The following TTF2 variants were observed in gnomAD, a reference collection of about 807,000 sequenced individuals.
TTF2 encodes RNA polymerase II termination factor.
TTF2 carries 108 observed loss-of-function variants against 142.4 expected under a neutral mutation model. That is an observed-to-expected ratio of 0.76 (90% CI 0.65 to 0.89). The LOEUF (loss-of-function observed/expected upper bound fraction) is 0.89. TTF2 is among the 40% of genes least tolerant of loss of function. TTF2 has a pLI of 0.00. For synonymous variants in TTF2, 483 were observed against 506.2 expected (o/e 0.95, Z 0.61); for missense variants, 1,327 against 1,379.8 (o/e 0.96, Z 0.61).
At position 117,097,309 on chromosome 1, in the gene TTF2, G is replaced by T; in HGVS notation, c.3187-42G>T. 6.3e-7 allele frequency: 1 copy of T among 1,583,828 alleles called. No individual in the cohort carries two copies. The highest frequency in any genetic ancestry group is 8.7e-7 in the Non-Finnish European group (1 of 1,152,462). The stretch of plus-strand genomic sequence containing the variant: ...AACCTGAGACCGAGATGTGTTACGA[G>T]ACCAAGTCTGTTTAAAGTTAATGTT... On this transcript the variant is annotated intron_variant, in intron 20 of 22. Transcript: ENST00000369466. This position sits in a 1 kb window ranked among gnomAD's most constrained non-coding sequence, Gnocchi z 4.1.
chr1:117,099,776 C>T lies in TTF2; in HGVS notation c.3344+869C>T, dbSNP rs1649437637. ...TTTACTTGATTACTTCCCATTCATT[C>T]CTCAGCCTTTACAAACTGGCTTTTA... On this transcript the variant is annotated intron_variant, in intron 22 of 22. Coordinates refer to ENST00000369466, the MANE Select transcript of TTF2 (RefSeq NM_003594.4). This position sits in a 1 kb window ranked among gnomAD's most constrained non-coding sequence, Gnocchi z 4.3. 6.6e-6 allele frequency among the ~76,000 whole-genome samples: 1 copy of T among 152,194 alleles called. No homozygotes were observed. Among genetic ancestry groups the T allele is most frequent in the Non-Finnish European group, 1.5e-5 (1 of 68,038 alleles).
chr1:117,088,929 T>C lies in TTF2; in HGVS notation c.2289T>C (p.Ala763=). 4.3e-6 allele frequency: 7 copies of C among 1,613,784 alleles called. No homozygotes were observed. Among genetic ancestry groups the C allele is most frequent in the Non-Finnish European group, 5.1e-6 (6 of 1,179,880 alleles). ...AGCTACAAGCCTGTGCCCGTTGGGCTGTCACTGGAACCCCCATTCAAAACA... is the reference window on the plus strand; with the variant it reads ...AGCTACAAGCCTGTGCCCGTTGGGCCGTCACTGGAACCCCCATTCAAAACA... ...VCKLQACARW[A]VTGTPIQNNL... is the part of the protein sequence containing the mutation. Residue 763 remains alanine (A), a synonymous_variant, in exon 13 of 23, where the codon GCT becomes GCC. Transcript: ENST00000369466.
At chr1:117,069,592 T>C (rs1324438059) in intron 3 of TTF2, among the ~76,000 whole-genome samples, 1 of 152,258 alleles carries the variant, frequency 6.6e-6, no homozygotes, top group East Asian at 1.9e-4. Flanking sequence ...GTCTTCATCA[T>C]GACCGTATGA....
chr1:117,077,068 G>T (rs1293564645), intron 7 of TTF2, among the ~76,000 whole-genome samples: 1 of 151,940 alleles, frequency 6.6e-6, no homozygotes. Flanking sequence ...AATGCTTTCT[G>T]TCCCTAATGT....
In TTF2 at chr1:117,106,734, G is replaced by C. The variant is rs903975650; in HGVS notation, c.*5210G>C. On this transcript the variant is annotated 3_prime_UTR_variant, in exon 23 of 23. Transcript: ENST00000369466. ...TGAAAGAATGGAAATCAATATGTAA[G>C]AGCTCACAAGTCAGAGTGAGATGTT... is the stretch of plus-strand genomic sequence containing the variant. 3 of 152,214 alleles carry C rather than the reference G, an allele frequency of 2.0e-5. No homozygotes were observed. The allele number at this position is 152,214 out of a possible 1,614,324, so 9.4% of individuals were successfully genotyped here. A position where few individuals can be genotyped will look rare whatever the true frequency, so the allele number is the denominator to read the frequency against.
intron 21 of TTF2, 134 bp from the exon 22 acceptor site, chr1:117,098,699 A>T: frequency 1.4e-6 from 1 of 714,206 alleles, no homozygotes; most frequent in Non-Finnish European, 2.3e-6. Context: ...TTCTTTTCTT[A>T]AATCCCTTTA....
At chr1:117,062,708 C>T (rs1055422390) in intron 3 of TTF2, among the ~76,000 whole-genome samples, 3 of 152,210 alleles carry the variant, frequency 2.0e-5, no homozygotes, top group South Asian at 4.1e-4. Context: ...TCATCCCTCT[C>T]CAACTGTCAG....
At position 117,102,315 on chromosome 1, in the gene TTF2, TCCCTGCAGCCA is replaced by T. The variant is rs60599950; in HGVS notation, c.*803_*813del. On this transcript the variant is annotated 3_prime_UTR_variant, in exon 23 of 23. Coordinates refer to ENST00000369466, the MANE Select transcript of TTF2 (RefSeq NM_003594.4). ...TTTTATGGGTGGAGCAGAGAGTCAATCCCTGCAGCCACCCTGCAGCCAGCCATCTCTGCAGT... is the reference window on the plus strand; with the variant it reads ...TTTTATGGGTGGAGCAGAGAGTCAATCCCTGCAGCCAGCCATCTCTGCAGT... 0.33 allele frequency: 49,673 copies of T among 151,878 alleles called. 8,346 individuals carry two copies. Among genetic ancestry groups the T allele is most frequent in the Admixed American group, 0.38 (5,845 of 15,248 alleles). The allele number at this position is 151,878 out of a possible 1,614,324, so 9.4% of individuals were successfully genotyped here.
In TTF2 at chr1:117,101,635, C is replaced by T. The variant is rs1469818303; in HGVS notation, c.*111C>T. ...TCTGTTCTTTGCATTTCAATTTCACCGTCAAGCCTTTCACCTTCCTCAAAA... is the reference window on the plus strand; with the variant it reads ...TCTGTTCTTTGCATTTCAATTTCACTGTCAAGCCTTTCACCTTCCTCAAAA... On this transcript the variant is annotated 3_prime_UTR_variant, in exon 23 of 23. Coordinates refer to ENST00000369466, the MANE Select transcript of TTF2 (RefSeq NM_003594.4). This position sits in a 1 kb window ranked among gnomAD's most constrained non-coding sequence, Gnocchi z 5.9. 17 of 1,219,308 alleles carry T rather than the reference C, an allele frequency of 1.4e-5. No individual in the cohort carries two copies. The highest frequency in any genetic ancestry group is 2.6e-5 in the South Asian group (1 of 38,736). The allele number at this position is 1,219,308 out of a possible 1,614,324, so 75.5% of individuals were successfully genotyped here.
chr1:117,067,386 C>T (rs1471166326), intron 3 of TTF2, among the ~76,000 whole-genome samples: 5 of 151,790 alleles, frequency 3.3e-5, no homozygotes, highest in East Asian at 1.9e-4. Flanking sequence ...AAAAAATAGC[C>T]GGGCATGGTG....
rs907363257 is a variant in TTF2, at chr1:117,079,112, C to T, written c.1702-456C>T. Among the ~76,000 whole-genome samples, 9 of 152,074 alleles carry T rather than the reference C, an allele frequency of 5.9e-5. No individual in the cohort carries two copies. Among genetic ancestry groups the T allele is most frequent in the South Asian group, 4.1e-4 (2 of 4,822 alleles). The stretch of plus-strand genomic sequence containing the variant: ...AAAATTAGCTGGGCATGGTGGCATA[C>T]GCATGTAATTCCAGCTAGTCGGGAG... On this transcript the variant is annotated intron_variant, in intron 8 of 22. Coordinates refer to ENST00000369466, the MANE Select transcript of TTF2 (RefSeq NM_003594.4). The surrounding 1 kb of genome is among the most constrained non-coding windows in gnomAD (Gnocchi z 4.2).
In TTF2 at chr1:117,060,339, C is replaced by A. The variant is rs1437619378; in HGVS notation, c.-8C>A. On this transcript the variant is annotated 5_prime_UTR_variant, in exon 1 of 23. Transcript: ENST00000369466. ...CGGGGCTTTGTGGAACTTGGGGGACCCAGCGAAATGGAAGAAGTTAGGTGT... is the reference window on the plus strand; with the variant it reads ...CGGGGCTTTGTGGAACTTGGGGGACACAGCGAAATGGAAGAAGTTAGGTGT... 1.9e-6 allele frequency: 3 copies of A among 1,594,268 alleles called. No homozygotes were observed. Among genetic ancestry groups the A allele is most frequent in the Non-Finnish European group, 2.6e-6 (3 of 1,170,526 alleles).
In TTF2 at chr1:117,091,844, C is replaced by G. The variant is rs1648611694; in HGVS notation, c.2699C>G (p.Pro900Arg). 1 of 1,613,668 alleles carries G rather than the reference C, an allele frequency of 6.2e-7. No individual in the cohort carries two copies. Among genetic ancestry groups the G allele is most frequent in the Non-Finnish European group, 8.5e-7 (1 of 1,179,960 alleles). The change falls in exon 17 of 23, where the codon CCT (proline) becomes CGT (arginine). Residue 900 changes from proline (P) to arginine (R), a missense_variant. Physicochemically the swap from Pro to Arg is moderately radical, Grantham distance 103 (BLOSUM62 -2). Transcript: ENST00000369466. ...RVALEFGSEE[P>R]RHSEAADSPR... ...GCACTGGAGTTTGGGTCTGAGGAGC[C>G]TAGACACTCGGAGGCAGCAGACTCA...
chr1:117,062,947 G>C (rs1655805391), intron 3 of TTF2, among the ~76,000 whole-genome samples: 1 of 152,208 alleles, frequency 6.6e-6, no homozygotes, highest in Non-Finnish European at 1.5e-5. Flanking sequence ...AATTCCCTAA[G>C]TGTTAGAGAG....
At position 117,086,035 on chromosome 1, in the gene TTF2, C is replaced by G. The variant is rs1267870973; in HGVS notation, c.2055-382C>G. ...CTCAAATCATTATTAAATGTTAATT[C>G]CCAACTCTATCCTACTTTCTGTTAT... is the stretch of plus-strand genomic sequence containing the variant. On this transcript the variant is annotated intron_variant, in intron 11 of 22. Transcript: ENST00000369466. The surrounding 1 kb of genome is among the most constrained non-coding windows in gnomAD (Gnocchi z 4.2). Among the ~76,000 whole-genome samples the G allele has an allele frequency of 6.6e-6, 1 of 152,146 alleles. No homozygotes were observed. Among genetic ancestry groups the G allele is most frequent in the African/African-American group, 2.4e-5 (1 of 41,414 alleles).
rs376459318 is a variant in TTF2 at position 117,079,516 on chromosome 1, A to G, written c.1702-52A>G. 4.2e-5 allele frequency: 66 copies of G among 1,568,432 alleles called. No homozygotes were observed. Among genetic ancestry groups the G allele is most frequent in the Non-Finnish European group, 5.5e-5 (63 of 1,139,034 alleles). On this transcript the variant is annotated intron_variant, in intron 8 of 22. Coordinates refer to ENST00000369466, the MANE Select transcript of TTF2 (RefSeq NM_003594.4). This position sits in a 1 kb window ranked among gnomAD's most constrained non-coding sequence, Gnocchi z 4.2. ...TAGAGTTCGTGTAGCCAGGCTCGGC[A>G]TAGCCTCTCATTAGGAATTTATGCT...
chr1:117,066,828 G>A (rs575722473), intron 3 of TTF2, among the ~76,000 whole-genome samples: 3 of 151,288 alleles, frequency 2.0e-5, no homozygotes, highest in East Asian at 3.9e-4. Flanking sequence ...TCAGCCTCCC[G>A]AGTAGCTGGG....
At chr1:117,096,668 G>A (rs1397249375) in intron 20 of TTF2, among the ~76,000 whole-genome samples, 5 of 152,210 alleles carry the variant, frequency 3.3e-5, no homozygotes, top group South Asian at 2.1e-4. Flanking sequence ...GTAAGCCACC[G>A]TGCCCAGCCA....
Position 117,076,437 on chromosome 1 carries a change from T to C in TTF2, c.1390+143T>C, listed in dbSNP as rs1657012817. The stretch of plus-strand genomic sequence containing the variant: ...TCTGAGACTTCTTTCACATTACACC[T>C]ATGGTTCATAAAAAACTTTCTCCTG... On this transcript the variant is annotated intron_variant, in intron 6 of 22. Transcript: ENST00000369466. The surrounding 1 kb of genome is among the most constrained non-coding windows in gnomAD (Gnocchi z 4.6). 4.4e-6 allele frequency: 4 copies of C among 899,202 alleles called. No homozygotes were observed. The South Asian group carries it at 5.5e-5, about 12-fold the overall frequency. The allele number at this position is 899,202 out of a possible 1,614,324, so 55.7% of individuals were successfully genotyped here. A position where few individuals can be genotyped will look rare whatever the true frequency, so the allele number is the denominator to read the frequency against.
Sources: gnomAD v4.1 joint callset for allele counts (sites outside exome capture counted in the v4.1 genomes callset) on GRCh38, gnomAD v4.1.1 for gene constraint, Gnocchi (gnomAD v3.1) non-coding constraint, MANE v1.5 for transcripts, NCBI Gene and HGNC (gene_info 2026-07-23, HGNC 2026-07-21) for gene names.